SYNPO2: variants seen among roughly 807,000 people sequenced by gnomAD.
SYNPO2 encodes synaptopodin-2.
SYNPO2 carries 56 observed loss-of-function variants against 85.0 expected under a neutral mutation model. That is an observed-to-expected ratio of 0.66 (90% CI 0.53 to 0.82). The LOEUF (loss-of-function observed/expected upper bound fraction) is 0.82, where lower values mean the gene tolerates loss of function less well. Ranked by LOEUF, SYNPO2 falls within the 40% of genes least tolerant of loss-of-function variation. The probability of loss-of-function intolerance (pLI) is 0.00; values close to 1 mark genes in which losing one functional copy is unlikely to be tolerated. For missense variants in SYNPO2, 1,575 were observed against 1,534.2 expected, an observed-to-expected ratio of 1.03 and a Z score of -0.44; for synonymous variants, 602 against 591.1, an observed-to-expected ratio of 1.02 and a Z score of -0.27.
intron 1 of SYNPO2, among the ~76,000 whole-genome samples, chr4:118,939,594 G>A (rs1250264287): frequency 3.3e-5 from 5 of 152,188 alleles, no homozygotes; most frequent in Admixed American, 6.5e-5. Context: ...TCCACGTATG[G>A]CAGCAACTTG....
chr4:119,026,428 A>T (rs925706658), intron 2 of SYNPO2, among the ~76,000 whole-genome samples, 199 bp from the exon 3 acceptor site: 3 of 152,190 alleles, frequency 2.0e-5, no homozygotes, highest in African/African-American at 4.8e-5. Context: ...TTGTGCTTTT[A>T]AAAAAGTTTA....
chr4:118,857,098 T>C (rs78397223), intron 1 of SYNPO2, among the ~76,000 whole-genome samples: 2,564 of 152,194 alleles, frequency 0.017, 72 homozygotes, highest in African/African-American at 0.054. Flanking sequence ...TCAAGCTACT[T>C]ATATGATGAT....
At chr4:118,930,132 T>C (rs1394437088) in intron 1 of SYNPO2, among the ~76,000 whole-genome samples, 3 of 152,220 alleles carry the variant, frequency 2.0e-5, no homozygotes, top group African/African-American at 7.2e-5. Context: ...ATGAAACTTC[T>C]GAGCATTTAT....
intron 4 of SYNPO2, among the ~76,000 whole-genome samples, chr4:119,048,347 G>A (rs1312371317): frequency 6.6e-6 from 1 of 152,172 alleles, no homozygotes; most frequent in Non-Finnish European, 1.5e-5. Flanking sequence ...ACAGCCTGAT[G>A]TAGAAATTAT....
At chr4:118,960,645 T>G (rs1560912836) in intron 1 of SYNPO2, among the ~76,000 whole-genome samples, 1 of 152,140 alleles carries the variant, frequency 6.6e-6, no homozygotes, top group Non-Finnish European at 1.5e-5. Flanking sequence ...CGCTTGAATA[T>G]CTAATGGGCG....
intron 4 of SYNPO2, among the ~76,000 whole-genome samples, chr4:119,041,178 A>G (rs188777201): frequency 5.9e-5 from 9 of 152,360 alleles, no homozygotes; most frequent in Admixed American, 3.9e-4. Flanking sequence ...ACAAGCTGAG[A>G]TTCTGAAAAT....
At chr4:119,009,103 T>C (rs1393766370) in intron 1 of SYNPO2, among the ~76,000 whole-genome samples, 1 of 152,244 alleles carries the variant, frequency 6.6e-6, no homozygotes, top group African/African-American at 2.4e-5. Flanking sequence ...AATGTGTTGT[T>C]ACATTCCATT....
chr4:118,944,202 C>T (rs753979178), intron 1 of SYNPO2, among the ~76,000 whole-genome samples: 15 of 151,912 alleles, frequency 9.9e-5, no homozygotes, highest in Non-Finnish European at 2.2e-4. Flanking sequence ...ATTAAGTGTA[C>T]TTGAGATAGA....
chr4:118,991,218 A>G (rs1029969784), intron 1 of SYNPO2, among the ~76,000 whole-genome samples: 1 of 151,546 alleles, frequency 6.6e-6, no homozygotes, highest in Non-Finnish European at 1.5e-5. Context: ...GGCCATCTTG[A>G]CTCACTGCAA....
At position 119,030,242 on chromosome 4, in the gene SYNPO2, C is replaced by A. The variant is rs1019020334; in HGVS notation, c.1467C>A (p.Gly489=). The change falls in exon 4 of 5, where the codon GGC becomes GGA. Residue 489 remains glycine, a synonymous_variant. Transcript: ENST00000307142. ...DKMEMLPDTT[G]KGALMFAKRR... The stretch of plus-strand genomic sequence containing the variant: ...TGGAGATGTTACCAGACACCACAGG[C>A]AAGGGAGCCCTCATGTTTGCCAAGA... The A allele has an allele frequency of 1.9e-6, 3 of 1,613,816 alleles. No homozygotes were observed. Among genetic ancestry groups the A allele is most frequent in the South Asian group, 1.1e-5 (1 of 91,062 alleles).
chr4:118,996,797 C>T (rs1484281083), intron 1 of SYNPO2, among the ~76,000 whole-genome samples: 4 of 148,578 alleles, frequency 2.7e-5, no homozygotes, highest in East Asian at 4.0e-4. Context: ...GCAGAGGTTG[C>T]GGTGAGCTGA....
upstream of SYNPO2, among the ~76,000 whole-genome samples, chr4:118,884,630 G>A (rs540394277): frequency 6.6e-6 from 1 of 152,074 alleles, no homozygotes; most frequent in Non-Finnish European, 1.5e-5. Flanking sequence ...TATTCCACAC[G>A]GTCTCTAAGG....
chr4:119,016,417 C>CAA lies in SYNPO2; in HGVS notation c.106-6999_106-6998dup, dbSNP rs11444354. ...GGGCAACAAGAGCAAGACTCCATTT[C>CAA]AAAAAAAAAAAAAAATCAACTAAAA... On this transcript the variant is annotated intron_variant, in intron 1 of 4. Transcript: ENST00000307142. 1.5e-3 allele frequency among the ~76,000 whole-genome samples: 203 copies of CAA among 139,732 alleles called. 1 individual carries two copies. Among genetic ancestry groups the CAA allele is most frequent in the Middle Eastern group, 7.5e-3 (2 of 266 alleles). The allele number at this position is 139,732 out of a possible 152,430, so 91.7% of individuals were successfully genotyped here.
intron 1 of SYNPO2, among the ~76,000 whole-genome samples, chr4:119,002,015 C>A (rs1240183039): frequency 6.6e-6 from 1 of 152,148 alleles, no homozygotes; most frequent in African/African-American, 2.4e-5. Flanking sequence ...CCTAGTGCCC[C>A]CCATCCTCCC....
chr4:118,966,742 C>G (rs1002807296), intron 1 of SYNPO2, among the ~76,000 whole-genome samples: 3 of 152,160 alleles, frequency 2.0e-5, no homozygotes, highest in Non-Finnish European at 4.4e-5. Context: ...CCCCTAGTTC[C>G]TCCTGTATTG....
At chr4:118,856,127 C>T (rs935955409) in intron 1 of SYNPO2, among the ~76,000 whole-genome samples, 1 of 152,150 alleles carries the variant, frequency 6.6e-6, no homozygotes, top group African/African-American at 2.4e-5. Context: ...AGCTAGTCAG[C>T]GAGTCATTTG....
chr4:118,931,393 A>G (rs1733929667), intron 1 of SYNPO2, among the ~76,000 whole-genome samples: 1 of 152,294 alleles, frequency 6.6e-6, no homozygotes, highest in Admixed American at 6.5e-5. Flanking sequence ...AATTCCCCAA[A>G]TATCTAGAGT....
intron 1 of SYNPO2, among the ~76,000 whole-genome samples, chr4:118,968,999 G>C (rs1405516592): frequency 6.6e-6 from 1 of 152,180 alleles, no homozygotes; most frequent in African/African-American, 2.4e-5. Context: ...CAGAACGAGA[G>C]GAGTGAGGAG....
chr4:119,044,243 C>A (rs1738809669), intron 4 of SYNPO2, among the ~76,000 whole-genome samples: 2 of 152,218 alleles, frequency 1.3e-5, no homozygotes, highest in Admixed American at 1.3e-4. Flanking sequence ...TCGTGACCAT[C>A]ATTGTATACT....
Sources: gnomAD v4.1 joint callset for allele counts (sites outside exome capture counted in the v4.1 genomes callset) on GRCh38, gnomAD v4.1.1 for gene constraint, MANE v1.5 for transcripts, NCBI Gene and HGNC (gene_info 2026-07-23, HGNC 2026-07-21) for gene names.